AFF3: variants seen among roughly 807,000 people sequenced by gnomAD.
AFF3 encodes the protein ALF transcription elongation factor 3, also known as AF4/FMR2 family member 3.
Under a neutral mutation model 129.7 loss-of-function variants are expected in AFF3, and 32 were observed. The ratio of observed to expected loss-of-function variants is 0.25; its 90% CI spans 0.19 to 0.33. The LOEUF (loss-of-function observed/expected upper bound fraction) is 0.33. Among genes scored for constraint, AFF3 ranks in the 10% least tolerant of loss-of-function variants. The pLI, the probability that AFF3 is intolerant of heterozygous loss-of-function variation, is 1.00. For missense variants in AFF3, 1,373 were observed against 1,592.0 expected, an observed-to-expected ratio of 0.86 and a Z score of 2.34; for synonymous variants, 644 against 635.4, an observed-to-expected ratio of 1.01 and a Z score of -0.20.
At chr2:100,011,641 T>A (rs920125510) in intron 4 of AFF3, 1 of 771,040 alleles carries the variant, frequency 1.3e-6, no homozygotes, top group African/African-American at 1.7e-5. Context: ...TATCTTAGCG[T>A]GCATGAGTCT....
chr2:99,589,767 C>T (rs1678484558), intron 15 of AFF3, among the ~76,000 whole-genome samples: 2 of 152,124 alleles, frequency 1.3e-5, no homozygotes, highest in Non-Finnish European at 2.9e-5. Context: ...ATTAAGGTCA[C>T]TGAGGAGGCC....
chr2:99,859,494 G>A (rs182830696), intron 7 of AFF3, among the ~76,000 whole-genome samples: 21 of 152,140 alleles, frequency 1.4e-4, no homozygotes, highest in Admixed American at 2.0e-4. Context: ...CCAGGTTTGC[G>A]AAACCCTGAT....
At chr2:100,031,950 A>G (rs912183561) in intron 4 of AFF3, among the ~76,000 whole-genome samples, 21 of 152,264 alleles carry the variant, frequency 1.4e-4, no homozygotes, top group African/African-American at 4.8e-4. Flanking sequence ...AACAACATCA[A>G]TCTCACAAAC....
intron 4 of AFF3, among the ~76,000 whole-genome samples, chr2:100,038,031 C>T (rs144501051): frequency 7.3e-4 from 110 of 151,600 alleles, no homozygotes; most frequent in Non-Finnish European, 4.4e-5. Flanking sequence ...TTTTCAAGGT[C>T]AATTATTATT....
intron 4 of AFF3, among the ~76,000 whole-genome samples, chr2:100,062,496 G>T (rs576019563): frequency 6.6e-6 from 1 of 152,314 alleles, no homozygotes; most frequent in South Asian, 2.1e-4. Context: ...CTCAGAAAAG[G>T]GGAACGGTCC....
Position 100,006,856 on chromosome 2 carries a change from G to C in AFF3, c.649C>G (p.Pro217Ala). Residue 217 changes from proline to alanine, a missense_variant, in exon 7 of 25, where the codon CCT becomes GCT. Pro to Ala is a conservative substitution (Grantham distance 27, BLOSUM62 -1). Transcript: ENST00000672756. ...CTGGGTTTTGAAGCTAGGGATGGAG[G>C]AAAGTTCTGAACACAGTGTCCGCTG... ...SSSGHCVQNF[P>A]PSLASKPSLV... 1 of 1,614,204 alleles carries C rather than the reference G, an allele frequency of 6.2e-7. No individual in the cohort carries two copies. The highest frequency in any genetic ancestry group is 8.5e-7 in the Non-Finnish European group (1 of 1,180,040).
intron 4 of AFF3, among the ~76,000 whole-genome samples, chr2:100,024,334 G>C (rs936748419): frequency 6.6e-6 from 1 of 151,864 alleles, no homozygotes; most frequent in African/African-American, 2.4e-5. Context: ...CAGCACTTTG[G>C]GAGGCTAAGG....
At chr2:100,108,852 T>C (rs1484416087) in intron 2 of AFF3, among the ~76,000 whole-genome samples, 1 of 151,614 alleles carries the variant, frequency 6.6e-6, no homozygotes, top group Non-Finnish European at 1.5e-5. Flanking sequence ...GGTTTTATGC[T>C]TCACTGACAT....
chr2:99,808,248 C>A lies in AFF3; in HGVS notation c.921+29229G>T, dbSNP rs540062804. On this transcript the variant is annotated intron_variant, in intron 8 of 24. Coordinates refer to ENST00000672756, the MANE Select transcript of AFF3 (RefSeq NM_001386135.1). Reference sequence around the variant, plus strand: ...TATGGAAGCTGATGTAACACAATGGCAGGAAACAAGAACAAGAACAAGTGA... The same window carrying A: ...TATGGAAGCTGATGTAACACAATGGAAGGAAACAAGAACAAGAACAAGTGA... Among the ~76,000 whole-genome samples, 3 of 152,148 alleles carry A rather than the reference C, an allele frequency of 2.0e-5. No individual in the cohort carries two copies. The South Asian group carries it at 6.2e-4, about 32-fold the overall frequency.
At position 99,739,130 on chromosome 2, in the gene AFF3, T is replaced by C. The variant is rs982048233; in HGVS notation, c.1039+4974A>G. ...GAGGATGGGGGTGGAGGGGTAATGG[T>C]TGAAGGATGGCCAGGTGTTCCCATC... On this transcript the variant is annotated intron_variant, in intron 10 of 24. Transcript: ENST00000672756. Among the ~76,000 whole-genome samples, 19 of 151,482 alleles carry C rather than the reference T, an allele frequency of 1.3e-4. 1 individual carries two copies. The highest frequency in any genetic ancestry group is 4.4e-4 in the African/African-American group (18 of 41,122).
At chr2:99,636,833 C>T (rs1199503474) in intron 13 of AFF3, among the ~76,000 whole-genome samples, 1 of 152,186 alleles carries the variant, frequency 6.6e-6, no homozygotes, top group Non-Finnish European at 1.5e-5. Context: ...CACGGGGGAG[C>T]TTATCAGGCT....
chr2:100,023,786 A>G (rs1049971899), intron 4 of AFF3, among the ~76,000 whole-genome samples: 1 of 152,196 alleles, frequency 6.6e-6, no homozygotes, highest in Non-Finnish European at 1.5e-5. Flanking sequence ...GTAAAATATC[A>G]TCAATACCTA....
At chr2:99,788,833 T>C (rs563901340) in intron 8 of AFF3, among the ~76,000 whole-genome samples, 1 of 152,194 alleles carries the variant, frequency 6.6e-6, no homozygotes, top group Non-Finnish European at 1.5e-5. Context: ...ATACTATTTT[T>C]AAAAAATCTT....
intron 2 of AFF3, 51 bp from the exon 3 acceptor site, chr2:100,105,634 C>G: frequency 7.5e-7 from 1 of 1,340,072 alleles, no homozygotes; most frequent in East Asian, 4.1e-5. Flanking sequence ...TAATAATAAT[C>G]TCCCTCATTG....
At chr2:99,995,905 A>T (rs1484773220) in intron 7 of AFF3, among the ~76,000 whole-genome samples, 5 of 152,234 alleles carry the variant, frequency 3.3e-5, no homozygotes, top group Non-Finnish European at 7.3e-5. Context: ...CAACAGAAAA[A>T]TGGGTAAAGG....
At chr2:99,655,062 A>G (rs138467569) in intron 12 of AFF3, among the ~76,000 whole-genome samples, 1 of 152,322 alleles carries the variant, frequency 6.6e-6, no homozygotes, top group East Asian at 1.9e-4. Context: ...CTTACTTGAT[A>G]GAAACAGAAC....
intron 12 of AFF3, among the ~76,000 whole-genome samples, chr2:99,665,050 G>A (rs1309790008): frequency 6.6e-6 from 1 of 152,208 alleles, no homozygotes; most frequent in Non-Finnish European, 1.5e-5. Flanking sequence ...AGGCCCTAAG[G>A]CAGCAGAGCT....
chr2:100,094,452 T>C (rs1309365312), intron 4 of AFF3, among the ~76,000 whole-genome samples: 1 of 152,092 alleles, frequency 6.6e-6, no homozygotes, highest in Non-Finnish European at 1.5e-5. Context: ...TCTGTGAGAA[T>C]ATAATGCCAG....
intron 12 of AFF3, among the ~76,000 whole-genome samples, chr2:99,672,219 CACACACACACACAT>C (rs1391341005): frequency 1.4e-4 from 4 of 29,318 alleles, no homozygotes; most frequent in African/African-American, 6.1e-4. Flanking sequence ...CACACACACA[CACACACACACACAT>C]GAATAAATAA....
Sources: allele counts gnomAD v4.1 joint callset (sites outside exome capture counted in the v4.1 genomes callset), GRCh38; gene constraint gnomAD v4.1.1; transcripts MANE v1.5; gene names NCBI Gene and HGNC (gene_info 2026-07-23, HGNC 2026-07-21).